LTA4H: variants seen among roughly 807,000 people sequenced by gnomAD.
LTA4H encodes leukotriene A-4 hydrolase.
A neutral mutation model predicts 89.8 loss-of-function variants in LTA4H; 59 were observed. The ratio of observed to expected loss-of-function variants is 0.66; its 90% CI spans 0.53 to 0.82. LTA4H has a LOEUF of 0.82. Among genes scored for constraint, LTA4H ranks in the 40% least tolerant of loss-of-function variants. The pLI is 0.00. For synonymous variants in LTA4H, 227 were observed against 253.1 expected (o/e 0.90, Z 0.98); for missense variants, 617 against 727.0 (o/e 0.85, Z 1.74).
At chr12:96,027,998 G>A (rs1950530914) in intron 2 of LTA4H, 1 of 152,334 alleles carries the variant, frequency 6.6e-6, no homozygotes, top group Non-Finnish European at 1.5e-5. Context: ...GACAAGACCA[G>A]AAGTTGAGAG....
intron 1 of LTA4H, among the ~76,000 whole-genome samples, chr12:96,041,922 T>C (rs934602052): frequency 2.0e-5 from 3 of 151,986 alleles, no homozygotes; most frequent in African/African-American, 7.2e-5. Context: ...ATTACAGGCG[T>C]GAGCCACCGC....
In LTA4H at chr12:96,017,125, C is replaced by T. The variant is rs766732787; in HGVS notation, c.877-11G>A. On this transcript the variant is annotated splice_polypyrimidine_tract_variant and intron_variant, in intron 9 of 18. Transcript: ENST00000228740. ...TTCATGTGCAATGACCTAAAGAAAA[C>T]AGTGTGATTAATAGTAAGACTGATT... The T allele has an allele frequency of 6.4e-7, 1 of 1,572,244 alleles. No homozygotes were observed. Among genetic ancestry groups the T allele is most frequent in the South Asian group, 1.1e-5 (1 of 90,138 alleles).
chr12:96,014,873 G>T lies in LTA4H; in HGVS notation c.1186C>A (p.Gln396Lys), dbSNP rs775435761. 1 of 1,612,590 alleles carries T rather than the reference G, an allele frequency of 6.2e-7. No individual in the cohort carries two copies. The highest frequency in any genetic ancestry group is 8.5e-7 in the Non-Finnish European group (1 of 1,179,486). The change falls in exon 12 of 19, where the codon CAA becomes AAA. Residue 396 changes from glutamine (Q) to lysine (K), a missense_variant. By Grantham distance (53) the Gln-to-Lys change is moderately conservative. This residue lies in a region of LTA4H where 290 missense variants were observed against 339.1 expected (regional missense o/e 0.86). Coordinates refer to ENST00000228740, the MANE Select transcript of LTA4H (RefSeq NM_000895.3). The stretch of plus-strand genomic sequence containing the variant: ...TACTTACCTGGTCCTCCAAGCAGTT[G>T]TTCAAGGTAAAAAAGTAAAGCAAAG... ...KGFALLFYLE[Q>K]LLGGPEIFLG...
intron 6 of LTA4H, among the ~76,000 whole-genome samples, chr12:96,020,145 T>C (rs573120486): frequency 6.6e-6 from 1 of 152,168 alleles, no homozygotes; most frequent in South Asian, 2.1e-4. Flanking sequence ...GCTCAAGCGA[T>C]CCTCCCACTT....
chr12:96,023,164 GTTC>G (rs1566013307), intron 4 of LTA4H, among the ~76,000 whole-genome samples: 1 of 152,184 alleles, frequency 6.6e-6, no homozygotes, highest in Non-Finnish European at 1.5e-5. Context: ...AGACTTTCAT[GTTC>G]TTCTTGCATG....
chr12:96,043,499 C>T (rs1324278297), exon 1 of LTA4H: 5 of 565,160 alleles, frequency 8.8e-6, no homozygotes, highest in Admixed American at 2.7e-5. Flanking sequence ...CCCAGCTACT[C>T]GGGAGGCTGA....
chr12:96,030,757 C>T (rs1412025795), intron 1 of LTA4H, among the ~76,000 whole-genome samples: 1 of 152,166 alleles, frequency 6.6e-6, no homozygotes, highest in Admixed American at 6.5e-5. Context: ...AGGCCAAGAA[C>T]CAGCCATTTC....
chr12:96,013,794 T>C lies in LTA4H; in HGVS notation c.1264A>G (p.Thr422Ala), dbSNP rs199968715. The stretch of plus-strand genomic sequence containing the variant: ...TACAGGAAATCCTTCCAGTCATCAG[T>C]AGTTATGCTCTTATAGGAAAACTTC... The part of the protein sequence containing the change: ...VEKFSYKSIT[T>A]DDWKDFLYSY... Residue 422 changes from threonine to alanine, a missense_variant, in exon 13 of 19, where the codon ACT becomes GCT. By Grantham distance (58) the Thr-to-Ala change is moderately conservative. Around this residue, in one of 3 missense-constraint regions of LTA4H, gnomAD observed 290 missense variants for 339.1 expected, o/e 0.86. Transcript: ENST00000228740. 1.1e-5 allele frequency: 17 copies of C among 1,590,936 alleles called. No individual in the cohort carries two copies. The highest frequency in any genetic ancestry group is 1.5e-5 in the Non-Finnish European group (17 of 1,165,504).
chr12:96,007,874 T>C (rs750402306), intron 15 of LTA4H, among the ~76,000 whole-genome samples: 4 of 152,240 alleles, frequency 2.6e-5, no homozygotes, highest in Non-Finnish European at 5.9e-5. Flanking sequence ...ATGACAAGTT[T>C]GTCAACTACA....
At chr12:96,019,585 ATTTTTTT>A (rs755971682) in intron 6 of LTA4H, among the ~76,000 whole-genome samples, 7 of 99,390 alleles carry the variant, frequency 7.0e-5, no homozygotes, top group South Asian at 3.0e-4. Flanking sequence ...ATAAGAAACT[ATTTTTTT>A]TTTTTTTTTT....
In LTA4H at chr12:96,029,056, T is replaced by C. The variant is rs755259751; in HGVS notation, c.289A>G (p.Lys97Glu). ...AGAGAAAGATCATAACATTCATACT[T>C]GCTCAAAGCGATAGGAAGAGAGATT... The part of the protein sequence containing the change: ...MEISLPIALS[K>E]NQEIVIEISF... Residue 97 changes from lysine to glutamate, a missense_variant and splice_region_variant, in exon 2 of 19, where the codon AAA becomes GAA. Physicochemically the swap from Lys to Glu is moderately conservative, Grantham distance 56. This residue lies in a region of LTA4H where 155 missense variants were observed against 143.3 expected (regional missense o/e 1.08). Transcript: ENST00000228740. The C allele has an allele frequency of 6.3e-7, 1 of 1,576,896 alleles. No individual in the cohort carries two copies. Among genetic ancestry groups the C allele is most frequent in the South Asian group, 1.2e-5 (1 of 82,398 alleles).
chr12:96,031,049 TA>T (rs1385987789), intron 1 of LTA4H, among the ~76,000 whole-genome samples: 1 of 152,232 alleles, frequency 6.6e-6, no homozygotes, highest in African/African-American at 2.4e-5. Context: ...CTGTTTTCTA[TA>T]TTGGCTAAAC....
chr12:96,003,093 A>G, intron 17 of LTA4H, 29 bp from the exon 18 acceptor site: 1 of 1,467,356 alleles, frequency 6.8e-7, no homozygotes, highest in Non-Finnish European at 9.4e-7. Flanking sequence ...GGGAGCATGG[A>G]GTAGAAAATG....
At chr12:96,025,047 C>T (rs1297964953) in intron 3 of LTA4H, among the ~76,000 whole-genome samples, 1 of 152,142 alleles carries the variant, frequency 6.6e-6, no homozygotes, top group Non-Finnish European at 1.5e-5. Context: ...ATGGTTAACC[C>T]TCACATTTCA....
intron 1 of LTA4H, among the ~76,000 whole-genome samples, chr12:96,031,117 G>A (rs1950566758): frequency 6.6e-6 from 1 of 152,092 alleles, no homozygotes; most frequent in East Asian, 1.9e-4. Flanking sequence ...TTTGTGAAAC[G>A]TTTTGATATC....
intron 13 of LTA4H, 135 bp from the exon 14 acceptor site, chr12:96,013,393 A>AT: frequency 1.7e-6 from 1 of 595,558 alleles, no homozygotes; most frequent in Non-Finnish European, 3.0e-6. Flanking sequence ...CTTTTTTAAA[A>AT]ATTAATATTT....
upstream of LTA4H, chr12:96,035,734 T>G: frequency 7.8e-7 from 1 of 1,274,432 alleles, no homozygotes; most frequent in Non-Finnish European, 1.0e-6. Flanking sequence ...AGCGGGCGCT[T>G]GGCTACCTGG....
intron 3 of LTA4H, chr12:96,025,199 A>G (rs1287500373): frequency 1.3e-5 from 2 of 152,176 alleles, no homozygotes; most frequent in African/African-American, 4.8e-5. Flanking sequence ...ATACTGCACC[A>G]CTGTCTTGCA....
chr12:96,009,664 TTTAGAAGAAAATGAAATTA>T (rs1194671858), intron 14 of LTA4H: 1 of 152,536 alleles, frequency 6.6e-6, no homozygotes, highest in Non-Finnish European at 1.5e-5. Flanking sequence ...TTCATTCCTT[TTTAGAAGAAAATGAAATTA>T]ACACATGGTA....
Sources: gnomAD v4.1 joint callset for allele counts (sites outside exome capture counted in the v4.1 genomes callset) on GRCh38, gnomAD v4.1.1 for gene constraint, gnomAD v4.1.1 regional missense constraint, MANE v1.5 for transcripts, NCBI Gene and HGNC (gene_info 2026-07-23, HGNC 2026-07-21) for gene names.